The following MTUS2 variants were observed in gnomAD, a reference collection of about 807,000 sequenced individuals.
The protein encoded by MTUS2 is microtubule associated scaffold protein 2.
In MTUS2, 40 loss-of-function variants were observed where a neutral mutation model predicts 114.1. That is an observed-to-expected ratio of 0.35 (90% CI 0.27 to 0.46). MTUS2 has a LOEUF of 0.46. Among genes scored for constraint, MTUS2 ranks in the 20% least tolerant of loss-of-function variants. The pLI is 1.00. For synonymous variants in MTUS2, 688 were observed against 672.0 expected, an observed-to-expected ratio of 1.02 and a Z score of -0.37; for missense variants, 1,679 against 1,705.4, an observed-to-expected ratio of 0.98 and a Z score of 0.27.
intron 8 of MTUS2, among the ~76,000 whole-genome samples, chr13:29,378,753 G>A (rs930130214): frequency 6.6e-6 from 1 of 152,176 alleles, no homozygotes; most frequent in Non-Finnish European, 1.5e-5. Flanking sequence ...GCCTCAGGCT[G>A]AGTCCTGGAG....
chr13:29,122,634 G>A (rs1048212356), intron 5 of MTUS2, among the ~76,000 whole-genome samples: 4 of 152,118 alleles, frequency 2.6e-5, no homozygotes, highest in Admixed American at 6.5e-5. Flanking sequence ...ATGTCAGATG[G>A]GGAGAGCATT....
At chr13:29,102,268 C>T (rs1334214201) in intron 5 of MTUS2, among the ~76,000 whole-genome samples, 1 of 152,184 alleles carries the variant, frequency 6.6e-6, no homozygotes, top group East Asian at 1.9e-4. Flanking sequence ...TAATAAAATT[C>T]CTGATGACGT....
At chr13:29,259,931 C>T (rs147389162) in intron 5 of MTUS2, among the ~76,000 whole-genome samples, 1,804 of 152,330 alleles carry the variant, frequency 0.012, 12 homozygotes, top group Non-Finnish European at 0.017. Flanking sequence ...AGGCAGGTCA[C>T]GGTCCCAGAG....
chr13:29,406,033 G>A (rs1255830237), intron 8 of MTUS2, among the ~76,000 whole-genome samples: 1 of 152,140 alleles, frequency 6.6e-6, no homozygotes, highest in Non-Finnish European at 1.5e-5. Context: ...GAGTCACTGC[G>A]CCTGGCCTTA....
intron 5 of MTUS2, among the ~76,000 whole-genome samples, chr13:29,251,318 T>TAATAATAATAATAATAAA (rs1035606030): frequency 6.6e-6 from 1 of 151,154 alleles, no homozygotes; most frequent in African/African-American, 2.4e-5. Context: ...ATAATAATAA[T>TAATAATAATAATAATAAA]AAATGCCTAC....
rs141414518 is a variant in MTUS2, at chr13:29,481,763, C to T, written c.3399+1399C>T. 2.4e-3 allele frequency among the ~76,000 whole-genome samples: 360 copies of T among 152,212 alleles called. 4 individuals carry two copies. The highest frequency in any genetic ancestry group is 8.3e-3 in the African/African-American group (345 of 41,510). On this transcript the variant is annotated intron_variant, in intron 10 of 15. Transcript: ENST00000612955. ...TTACTTTATGGCATTTTGTTCTACA[C>T]AGTATCTCAGGTTAGTCATTCTTCT... is the stretch of plus-strand genomic sequence containing the variant.
At chr13:29,001,458 CA>C (rs1048886188) in intron 2 of MTUS2, among the ~76,000 whole-genome samples, 2 of 152,134 alleles carry the variant, frequency 1.3e-5, no homozygotes, top group African/African-American at 2.4e-5. Context: ...AAGGAGGAGT[CA>C]GGGGTGACTC....
chr13:29,319,477 A>T (rs1263914081), intron 6 of MTUS2, among the ~76,000 whole-genome samples: 1 of 152,204 alleles, frequency 6.6e-6, no homozygotes, highest in East Asian at 1.9e-4. Flanking sequence ...CAGCTTGGGC[A>T]TCTATCGAGT....
At chr13:29,126,521 C>T (rs1053230099) in intron 5 of MTUS2, among the ~76,000 whole-genome samples, 4 of 152,290 alleles carry the variant, frequency 2.6e-5, no homozygotes, top group South Asian at 2.1e-4. Context: ...CCCTTTACTT[C>T]GAGCTTGTCC....
chr13:29,189,577 C>T (rs1195998632), intron 5 of MTUS2, among the ~76,000 whole-genome samples: 1 of 152,000 alleles, frequency 6.6e-6, no homozygotes, highest in African/African-American at 2.4e-5. Flanking sequence ...AAGACACTTT[C>T]ACCTCTAATT....
chr13:28,880,687 A>G (rs568588720), intron 2 of MTUS2, among the ~76,000 whole-genome samples: 1 of 152,334 alleles, frequency 6.6e-6, no homozygotes, highest in African/African-American at 2.4e-5. Context: ...TATTTTGAGT[A>G]TACCAGATTT....
At chr13:29,180,797 A>G (rs570285678) in intron 5 of MTUS2, among the ~76,000 whole-genome samples, 1 of 152,170 alleles carries the variant, frequency 6.6e-6, no homozygotes. Context: ...GACAGCGCCT[A>G]TGAGAGGGTT....
At chr13:29,179,307 C>T (rs1893900982) in intron 5 of MTUS2, among the ~76,000 whole-genome samples, 1 of 152,060 alleles carries the variant, frequency 6.6e-6, no homozygotes, top group Non-Finnish European at 1.5e-5. Flanking sequence ...GACAGTTTAA[C>T]CTGAGTTAAT....
At chr13:29,460,726 G>A (rs147032646) in intron 9 of MTUS2, among the ~76,000 whole-genome samples, 39 of 152,292 alleles carry the variant, frequency 2.6e-4, no homozygotes, top group Middle Eastern at 6.8e-3. Flanking sequence ...GGGGCCAGAT[G>A]CAGACACACA....
At chr13:29,038,179 A>G (rs1442117842) in intron 4 of MTUS2, among the ~76,000 whole-genome samples, 2 of 152,098 alleles carry the variant, frequency 1.3e-5, no homozygotes, top group African/African-American at 2.4e-5. Context: ...GATGTTGGTG[A>G]TCTTCAGATG....
At chr13:29,304,404 G>GA (rs34584630) in intron 6 of MTUS2, among the ~76,000 whole-genome samples, 123,711 of 151,916 alleles carry the variant, frequency 0.81, 50,829 homozygotes, top group Admixed American at 0.88. Flanking sequence ...CATCTCACAT[G>GA]AAAGACACAC....
At chr13:29,040,587 T>C (rs905827257) in intron 4 of MTUS2, among the ~76,000 whole-genome samples, 3 of 152,196 alleles carry the variant, frequency 2.0e-5, no homozygotes, top group African/African-American at 7.2e-5. Context: ...CAGCAGTATA[T>C]AAGTGTTCCC....
chr13:29,002,931 G>A lies in MTUS2; in HGVS notation c.-242-21526G>A, dbSNP rs995646838. ...GGTAATAGAGCACCATTGAACTTTAGCAGTGGATAAATTCATGAATAAGAA... is the reference window on the plus strand; with the variant it reads ...GGTAATAGAGCACCATTGAACTTTAACAGTGGATAAATTCATGAATAAGAA... On this transcript the variant is annotated intron_variant, in intron 2 of 15. Transcript: ENST00000612955. 2.0e-5 allele frequency among the ~76,000 whole-genome samples: 3 copies of A among 152,198 alleles called. No individual in the cohort carries two copies. In the East Asian group the frequency reaches 5.8e-4, roughly 29 times the overall value.
intron 4 of MTUS2, among the ~76,000 whole-genome samples, chr13:29,053,986 C>G (rs1888017139): frequency 1.3e-5 from 2 of 152,102 alleles, no homozygotes. Flanking sequence ...TATGAAACTG[C>G]CAAAATATTT....
Sources: allele counts gnomAD v4.1 joint callset (sites outside exome capture counted in the v4.1 genomes callset), GRCh38; gene constraint gnomAD v4.1.1; transcripts MANE v1.5; gene names NCBI Gene and HGNC (gene_info 2026-07-23, HGNC 2026-07-21).